The following PCDH15 variants were observed in gnomAD, a reference collection of about 807,000 sequenced individuals.
The protein encoded by PCDH15 is protocadherin related 15.
PCDH15 carries 129 observed loss-of-function variants against 178.5 expected under a neutral mutation model. That is an observed-to-expected ratio of 0.72 (90% CI 0.63 to 0.84). The LOEUF (loss-of-function observed/expected upper bound fraction) is 0.84. Among genes scored for constraint, PCDH15 ranks in the 40% least tolerant of loss-of-function variants. The probability of loss-of-function intolerance (pLI) is 0.00; values close to 1 mark genes in which losing one functional copy is unlikely to be tolerated. For synonymous variants in PCDH15, 800 were observed against 732.0 expected (o/e 1.09, Z -1.50); for missense variants, 2,230 against 2,099.9 (o/e 1.06, Z -1.21).
intron 2 of PCDH15, among the ~76,000 whole-genome samples, chr10:55,559,815 T>G (rs187555544): frequency 2.0e-5 from 3 of 151,936 alleles, no homozygotes; most frequent in South Asian, 2.1e-4. Flanking sequence ...AATGACAGAA[T>G]TTTTCCTAAT....
At chr10:54,281,323 T>C (rs2058693893) in intron 8 of PCDH15, among the ~76,000 whole-genome samples, 1 of 151,908 alleles carries the variant, frequency 6.6e-6, no homozygotes, top group African/African-American at 2.4e-5. Context: ...AAACCCACAA[T>C]TAAAGAATAT....
intron 2 of PCDH15, among the ~76,000 whole-genome samples, chr10:54,578,840 G>T (rs2090763652): frequency 6.6e-6 from 1 of 151,990 alleles, no homozygotes; most frequent in Non-Finnish European, 1.5e-5. Context: ...GGGATTAGGG[G>T]CTTATTTTCA....
intron 2 of PCDH15, among the ~76,000 whole-genome samples, chr10:55,567,762 G>A (rs901831601): frequency 3.3e-5 from 5 of 151,626 alleles, no homozygotes; most frequent in African/African-American, 9.7e-5. Flanking sequence ...TCATAAGCGC[G>A]ATGACTGGGT....
intron 13 of PCDH15, among the ~76,000 whole-genome samples, chr10:54,180,667 C>A (rs1183539378): frequency 6.6e-6 from 1 of 152,114 alleles, no homozygotes; most frequent in African/African-American, 2.4e-5. Context: ...TATCAAGTTT[C>A]TTTGTTTTAA....
At chr10:55,172,162 A>T (rs1419797165) in intron 1 of PCDH15, among the ~76,000 whole-genome samples, 3 of 151,960 alleles carry the variant, frequency 2.0e-5, no homozygotes, top group Non-Finnish European at 4.4e-5. Context: ...AATTGTCAAG[A>T]GAATAAATTT....
At chr10:54,009,394 C>T (rs1055907705) in intron 20 of PCDH15, among the ~76,000 whole-genome samples, 3 of 151,640 alleles carry the variant, frequency 2.0e-5, no homozygotes, top group Admixed American at 6.6e-5. Flanking sequence ...AAGGAGCTTA[C>T]GATCTCCATT....
chr10:53,828,662 C>CAG, intron 30 of PCDH15, 89 bp from the exon 31 acceptor site: 7 of 1,099,526 alleles, frequency 6.4e-6, no homozygotes, highest in Non-Finnish European at 6.9e-6. Context: ...TATTCTAAAT[C>CAG]ATGAATAATT....
At chr10:55,069,248 G>GTTTTTT (rs80094733) in intron 2 of PCDH15, among the ~76,000 whole-genome samples, 1 of 129,690 alleles carries the variant, frequency 7.7e-6, no homozygotes, top group African/African-American at 3.0e-5. Context: ...CTGGTATTTT[G>GTTTTTT]TTTTTTTTTT....
intron 1 of PCDH15, among the ~76,000 whole-genome samples, chr10:55,258,214 TA>T (rs1842053273): frequency 6.6e-6 from 1 of 152,208 alleles, no homozygotes; most frequent in East Asian, 1.9e-4. Flanking sequence ...AAGAAAACTA[TA>T]ATTGTTCCTA....
chr10:54,336,479 C>G (rs1030850465), intron 6 of PCDH15, among the ~76,000 whole-genome samples: 3 of 152,102 alleles, frequency 2.0e-5, no homozygotes, highest in Non-Finnish European at 4.4e-5. Flanking sequence ...CTCGGTGCCC[C>G]GTGTCCCAGC....
intron 28 of PCDH15, among the ~76,000 whole-genome samples, chr10:53,855,904 G>GTATGTATATATATA (rs147606526): frequency 2.7e-5 from 3 of 109,690 alleles, no homozygotes; most frequent in Admixed American, 1.0e-4. Flanking sequence ...AAGGTGATAT[G>GTATGTATATATATA]TATATATATA....
chr10:54,192,435 G>A (rs547830877), intron 11 of PCDH15, among the ~76,000 whole-genome samples: 42 of 151,872 alleles, frequency 2.8e-4, no homozygotes, highest in African/African-American at 1.0e-3. Flanking sequence ...AATAATTAGG[G>A]GACAAAATAG....
chr10:54,077,133 A>T (rs547253158), intron 17 of PCDH15, among the ~76,000 whole-genome samples: 92 of 152,270 alleles, frequency 6.0e-4, no homozygotes, highest in South Asian at 1.5e-3. Flanking sequence ...TTTGTTTGAA[A>T]TCTAAATGCT....
intron 5 of PCDH15, among the ~76,000 whole-genome samples, chr10:54,359,406 C>G (rs902865541): frequency 1.1e-4 from 17 of 151,414 alleles, no homozygotes; most frequent in African/African-American, 3.9e-4. Flanking sequence ...GTATATGGGA[C>G]ATATGAGAAC....
intron 21 of PCDH15, among the ~76,000 whole-genome samples, chr10:53,969,167 C>A (rs1238956823): frequency 6.6e-6 from 1 of 152,080 alleles, no homozygotes; most frequent in Non-Finnish European, 1.5e-5. Flanking sequence ...CCTTAAATGA[C>A]CTGATGGAGC....
chr10:54,873,518 A>G (rs1954077763), intron 3 of PCDH15, among the ~76,000 whole-genome samples: 1 of 146,256 alleles, frequency 6.8e-6, no homozygotes, highest in Admixed American at 7.0e-5. Context: ...TATATAATGT[A>G]TATACGTGTA....
At chr10:53,919,858 G>A (rs1589423003) in intron 25 of PCDH15, among the ~76,000 whole-genome samples, 2 of 152,098 alleles carry the variant, frequency 1.3e-5, no homozygotes, top group African/African-American at 4.8e-5. Context: ...ATTTCACTGG[G>A]AAATTTCTAA....
At chr10:54,473,062 G>T (rs189420988) in intron 3 of PCDH15, among the ~76,000 whole-genome samples, 77 of 152,186 alleles carry the variant, frequency 5.1e-4, no homozygotes, top group Non-Finnish European at 8.5e-4. Flanking sequence ...AGACCTCAGT[G>T]AGGTGGCTTT....
chr10:55,524,215 T>C lies in PCDH15; in HGVS notation c.-156+103410A>G, dbSNP rs1229242727. ...GTATATAGAGTAAATAATTCGGAAA[T>C]ATCGGTTTACTTTGTGGGCACTATT... On this transcript the variant is annotated intron_variant, in intron 2 of 5. Transcript: ENST00000613346. Among the ~76,000 whole-genome samples the C allele has an allele frequency of 1.4e-4, 21 of 151,580 alleles. No individual in the cohort carries two copies. The Admixed American group carries it at 1.4e-3, about 10-fold the overall frequency.
Sources: gnomAD v4.1 joint callset for allele counts (sites outside exome capture counted in the v4.1 genomes callset) on GRCh38, gnomAD v4.1.1 for gene constraint, MANE v1.5 for transcripts, NCBI Gene and HGNC (gene_info 2026-07-23, HGNC 2026-07-21) for gene names.